The following SNTA1 variants were observed in gnomAD, a reference collection of about 807,000 sequenced individuals.
The protein encoded by SNTA1 is alpha-1-syntrophin.
Under a neutral mutation model 47.1 loss-of-function variants are expected in SNTA1, and 31 were observed. The ratio of observed to expected loss-of-function variants is 0.66; its 90% CI spans 0.49 to 0.89. SNTA1 has a LOEUF of 0.89. Among genes scored for constraint, SNTA1 ranks in the 40% least tolerant of loss-of-function variants. SNTA1 has a pLI of 0.00. For missense variants in SNTA1, 575 were observed against 693.0 expected (o/e 0.83, Z 1.91); for synonymous variants, 300 against 313.6 (o/e 0.96, Z 0.46).
chr20:33,412,538 AAG>A, intron 4 of SNTA1, 35 bp downstream of exon 4: 1 of 1,607,576 alleles, frequency 6.2e-7, no homozygotes. Flanking sequence ...AAAGGAGCGG[AAG>A]AGAGAGAGGG....
In SNTA1 at chr20:33,408,248, A is replaced by C. The variant is rs1989643597; in HGVS notation, c.*259T>G. The C allele has an allele frequency of 3.8e-6, 2 of 524,636 alleles. No individual in the cohort carries two copies. The highest frequency in any genetic ancestry group is 2.0e-5 in the South Asian group (1 of 50,202). The allele number at this position is 524,636 out of a possible 1,614,324, so 32.5% of individuals were successfully genotyped here. A position where few individuals can be genotyped will look rare whatever the true frequency, so the allele number is the denominator to read the frequency against. ...CAGACTCGGAATGGCTTCTGTGTAC[A>C]CAAAATATCTCTCTGCAAAAGGCAC... On this transcript the variant is annotated 3_prime_UTR_variant, in exon 8 of 8. Coordinates refer to ENST00000217381, the MANE Select transcript of SNTA1 (RefSeq NM_003098.3).
At chr20:33,413,899 C>T (rs1914449588) in intron 3 of SNTA1, among the ~76,000 whole-genome samples, 1 of 151,850 alleles carries the variant, frequency 6.6e-6, no homozygotes, top group Admixed American at 6.6e-5. Flanking sequence ...ATAAGGGTGC[C>T]AGTGCACTCC....
At chr20:33,422,172 T>C (rs1287037922) in intron 2 of SNTA1, among the ~76,000 whole-genome samples, 4 of 152,156 alleles carry the variant, frequency 2.6e-5, no homozygotes, top group African/African-American at 9.7e-5. Flanking sequence ...CCGGGCACAG[T>C]GCCTCACGCC....
chr20:33,425,196 G>T (rs1199562021), intron 2 of SNTA1, among the ~76,000 whole-genome samples: 1 of 152,002 alleles, frequency 6.6e-6, no homozygotes, highest in Non-Finnish European at 1.5e-5. Context: ...AGGATCACTT[G>T]AGCCAGGGAG....
chr20:33,433,842 C>T (rs1288608443), intron 2 of SNTA1, among the ~76,000 whole-genome samples: 3 of 152,184 alleles, frequency 2.0e-5, no homozygotes, highest in African/African-American at 7.2e-5. Context: ...TTTCTGCAAA[C>T]CCCTGACCTA....
chr20:33,437,523 T>C lies in SNTA1; in HGVS notation c.496+1318A>G, dbSNP rs187074125. The stretch of plus-strand genomic sequence containing the variant: ...AAAACTTTACATTTTATTTTCTTTA[T>C]TTAAATTTTATTTTATTTTATATCT... On this transcript the variant is annotated intron_variant, in intron 2 of 7. Transcript: ENST00000217381. Among the ~76,000 whole-genome samples, 274 of 152,216 alleles carry C rather than the reference T, an allele frequency of 1.8e-3. 2 individuals carry two copies. The Middle Eastern group carries it at 0.02, about 11-fold the overall frequency.
chr20:33,441,856 T>TC (rs1990586566), intron 1 of SNTA1, among the ~76,000 whole-genome samples: 2 of 152,252 alleles, frequency 1.3e-5, no homozygotes, highest in Non-Finnish European at 1.5e-5. Flanking sequence ...ACTGAGTGTA[T>TC]AATTTTTGGA....
intron 7 of SNTA1, 49 bp from the exon 8 acceptor site, chr20:33,408,648 C>T: frequency 6.2e-7 from 1 of 1,610,502 alleles, no homozygotes; most frequent in Non-Finnish European, 8.5e-7. Flanking sequence ...AGCCTGGCCT[C>T]CGAGAGTGCA....
chr20:33,408,461 C>T lies in SNTA1; in HGVS notation c.*46G>A, dbSNP rs1225743428. ...GCAGTCGGTGGAGGCCCAGCTCAGG[C>T]CATGTCATGGACACCCCTCTTCAGG... is the stretch of plus-strand genomic sequence containing the variant. On this transcript the variant is annotated 3_prime_UTR_variant, in exon 8 of 8. Transcript: ENST00000217381. 7.3e-7 allele frequency: 1 copy of T among 1,370,696 alleles called. No individual in the cohort carries two copies. Among genetic ancestry groups the T allele is most frequent in the Non-Finnish European group, 1.0e-6 (1 of 959,242 alleles). 84.9% of individuals were successfully genotyped at this position (1,370,696 alleles called of 1,614,324 possible). A position where few individuals can be genotyped will look rare whatever the true frequency, so the allele number is the denominator to read the frequency against.
Position 33,417,808 on chromosome 20 carries a change from G to T in SNTA1, c.612C>A (p.Pro204=). 6.2e-7 allele frequency: 1 copy of T among 1,614,086 alleles called. No homozygotes were observed. Among genetic ancestry groups the T allele is most frequent in the Non-Finnish European group, 8.5e-7 (1 of 1,179,980 alleles). Residue 204 remains proline (P), a synonymous_variant, in exon 3 of 8, where the codon CCC becomes CCA. Coordinates refer to ENST00000217381, the MANE Select transcript of SNTA1 (RefSeq NM_003098.3). ...PLQRQPSSPG[P]TPRNFSEAKH... ...TGGCCTCGCTGAAGTTCCGGGGTGTGGGGCCAGGGGAGGAAGGCTGCCGCT... is the reference window on the plus strand; with the variant it reads ...TGGCCTCGCTGAAGTTCCGGGGTGTTGGGCCAGGGGAGGAAGGCTGCCGCT...
At position 33,421,383 on chromosome 20, in the gene SNTA1, G is replaced by A. The variant is rs1196266163; in HGVS notation, c.497-3460C>T. ...TCCCAGCACTTTGGGAGGCTGAGGC[G>A]GGAGGATCACCTGAGGCTGGGAGTT... On this transcript the variant is annotated intron_variant, in intron 2 of 7. Coordinates refer to ENST00000217381, the MANE Select transcript of SNTA1 (RefSeq NM_003098.3). Among the ~76,000 whole-genome samples, 21 of 147,656 alleles carry A rather than the reference G, an allele frequency of 1.4e-4. 1 individual carries two copies. Among genetic ancestry groups the A allele is most frequent in the South Asian group, 1.3e-3 (6 of 4,644 alleles).
At chr20:33,415,600 T>A (rs1989855084) in intron 3 of SNTA1, among the ~76,000 whole-genome samples, 1 of 149,730 alleles carries the variant, frequency 6.7e-6, no homozygotes, top group Non-Finnish European at 1.5e-5. Flanking sequence ...CTGGGCAACA[T>A]GGTGAACCCC....
At chr20:33,416,156 G>A (rs1007741060) in intron 3 of SNTA1, among the ~76,000 whole-genome samples, 3 of 152,148 alleles carry the variant, frequency 2.0e-5, no homozygotes, top group African/African-American at 2.4e-5. Context: ...AGTGACCTGT[G>A]AATCACCAGT....
In SNTA1 at chr20:33,428,523, A is replaced by C. The variant is rs1600854490; in HGVS notation, c.496+10318T>G. 2.0e-5 allele frequency among the ~76,000 whole-genome samples: 3 copies of C among 152,182 alleles called. No individual in the cohort carries two copies. In the East Asian group the frequency reaches 5.8e-4, roughly 29 times the overall value. On this transcript the variant is annotated intron_variant, in intron 2 of 7. Coordinates refer to ENST00000217381, the MANE Select transcript of SNTA1 (RefSeq NM_003098.3). ...GAAACTTACTGGAAGAAAATGTGTG[A>C]AAGTATCAACACTGGTTATCTCTAT...
rs754989824 is a variant in SNTA1 at position 33,412,675 on chromosome 20, G to T, written c.809C>A (p.Thr270Asn). 1 of 1,613,924 alleles carries T rather than the reference G, an allele frequency of 6.2e-7. No individual in the cohort carries two copies. The highest frequency in any genetic ancestry group is 1.1e-5 in the South Asian group (1 of 91,072). Residue 270 changes from threonine to asparagine, a missense_variant, in exon 4 of 8, where the codon ACT becomes AAT. Coordinates refer to ENST00000217381, the MANE Select transcript of SNTA1 (RefSeq NM_003098.3). ...CTCATCCTTGACCCGCGGCGTCAGA[G>T]TATTGACCTGGGCTTGGATGGCAGT... Reference protein sequence around the residue: ...WATAIQAQVNTLTPRVKDELQ... With the variant: ...WATAIQAQVNNLTPRVKDELQ...
chr20:33,416,936 G>T, intron 3 of SNTA1, among the ~76,000 whole-genome samples: 1 of 115,466 alleles, frequency 8.7e-6, no homozygotes, highest in South Asian at 2.8e-4. Flanking sequence ...GTGAGACTCT[G>T]TCAAAAAAAA....
At chr20:33,414,245 C>CAAAAAAAAAAAAAAAAAAAA (rs56186098) in intron 3 of SNTA1, among the ~76,000 whole-genome samples, 18 of 29,264 alleles carry the variant, frequency 6.2e-4, no homozygotes, top group Non-Finnish European at 8.5e-4. Flanking sequence ...TCTCAAAAAC[C>CAAAAAAAAAAAAAAAAAAAA]AAAAAAAAAA....
intron 6 of SNTA1, among the ~76,000 whole-genome samples, chr20:33,409,654 G>A (rs1456340774): frequency 7.0e-6 from 1 of 142,552 alleles, no homozygotes; most frequent in Admixed American, 7.1e-5. Context: ...TTTTTTTTTT[G>A]AGACAGTCTT....
At chr20:33,441,448 A>G (rs552364507) in intron 1 of SNTA1, among the ~76,000 whole-genome samples, 1 of 152,250 alleles carries the variant, frequency 6.6e-6, no homozygotes, top group Admixed American at 6.6e-5. Context: ...CTGGTGGCGG[A>G]GCTGGGACTG....
Sources: gnomAD v4.1 joint callset for allele counts (sites outside exome capture counted in the v4.1 genomes callset) on GRCh38, gnomAD v4.1.1 for gene constraint, MANE v1.5 for transcripts, NCBI Gene and HGNC (gene_info 2026-07-23, HGNC 2026-07-21) for gene names.